The following SAMD4A variants were observed in gnomAD, a reference collection of about 807,000 sequenced individuals.
SAMD4A encodes the protein sterile alpha motif domain containing 4A.
Under a neutral mutation model 81.3 loss-of-function variants are expected in SAMD4A, and 33 were observed. The observed-to-expected ratio is 0.41, with a 90% confidence interval of 0.31 to 0.54. SAMD4A has a LOEUF of 0.54. Among genes scored for constraint, SAMD4A ranks in the 20% least tolerant of loss-of-function variants. The pLI, the probability that SAMD4A is intolerant of heterozygous loss-of-function variation, is 0.37. For missense variants in SAMD4A, 854 were observed against 951.1 expected, an observed-to-expected ratio of 0.90 and a Z score of 1.34; for synonymous variants, 389 against 382.1, an observed-to-expected ratio of 1.02 and a Z score of -0.21.
chr14:54,742,668 G>A (rs1381233756), intron 4 of SAMD4A, among the ~76,000 whole-genome samples: 9 of 152,154 alleles, frequency 5.9e-5, no homozygotes, highest in Admixed American at 2.6e-4. Flanking sequence ...CTCTTGCTGC[G>A]AGCTTCAGCC....
intron 6 of SAMD4A, among the ~76,000 whole-genome samples, chr14:54,752,001 A>G (rs1207240307): frequency 1.3e-5 from 2 of 152,198 alleles, no homozygotes; most frequent in Non-Finnish European, 2.9e-5. Context: ...CAACAGGTAC[A>G]CTGCAGATAG....
chr14:54,757,110 T>A (rs765550507), intron 6 of SAMD4A, among the ~76,000 whole-genome samples: 15 of 152,232 alleles, frequency 9.9e-5, no homozygotes, highest in Non-Finnish European at 2.1e-4. Flanking sequence ...ATTTCCATTC[T>A]GGCCATTTCT....
intron 2 of SAMD4A, among the ~76,000 whole-genome samples, chr14:54,678,681 TG>T (rs1304165625): frequency 1.3e-5 from 2 of 151,904 alleles, no homozygotes; most frequent in African/African-American, 2.4e-5. Flanking sequence ...CCTGAGTAGC[TG>T]GGACTACAGG....
chr14:54,580,886 A>G (rs967868040), intron 2 of SAMD4A, among the ~76,000 whole-genome samples: 4 of 152,228 alleles, frequency 2.6e-5, no homozygotes, highest in Admixed American at 6.5e-5. Flanking sequence ...TTTAACTGAC[A>G]TCCGTAATCC....
At chr14:54,766,243 C>T (rs1476183767) in intron 8 of SAMD4A, among the ~76,000 whole-genome samples, 2 of 151,970 alleles carry the variant, frequency 1.3e-5, no homozygotes, top group Admixed American at 1.3e-4. Context: ...CTCGTTTTGG[C>T]CAGGAAAAAG....
At chr14:54,647,850 G>A (rs1405688444) in intron 2 of SAMD4A, among the ~76,000 whole-genome samples, 3 of 152,250 alleles carry the variant, frequency 2.0e-5, no homozygotes, top group African/African-American at 7.2e-5. Flanking sequence ...GATAGGTTCT[G>A]TACTATCCAG....
At chr14:54,668,035 C>T (rs2035793132) in intron 2 of SAMD4A, among the ~76,000 whole-genome samples, 1 of 152,206 alleles carries the variant, frequency 6.6e-6, no homozygotes, top group African/African-American at 2.4e-5. Flanking sequence ...TGCATCTCCA[C>T]ACACTGCCGT....
At chr14:54,651,318 C>T (rs2035398687) in intron 2 of SAMD4A, among the ~76,000 whole-genome samples, 2 of 152,172 alleles carry the variant, frequency 1.3e-5, no homozygotes, top group South Asian at 2.1e-4. Context: ...TATTGTAATG[C>T]ACCAAGTAAA....
chr14:54,682,273 T>A (rs2036146803), intron 2 of SAMD4A, among the ~76,000 whole-genome samples: 2 of 152,210 alleles, frequency 1.3e-5, no homozygotes, highest in South Asian at 4.1e-4. Flanking sequence ...CAGTTCCATG[T>A]CGGCCTCCTG....
At chr14:54,702,707 G>A in intron 3 of SAMD4A, 127 bp downstream of exon 3, 3 of 1,175,326 alleles carry the variant, frequency 2.6e-6, no homozygotes, top group East Asian at 4.7e-5. Flanking sequence ...ATTGGAATTG[G>A]CTGTGGGAAA....
intron 4 of SAMD4A, among the ~76,000 whole-genome samples, chr14:54,739,518 C>CAAAAAAAAAAAAA (rs11301120): frequency 7.4e-6 from 1 of 135,346 alleles, no homozygotes; most frequent in Non-Finnish European, 1.6e-5. Flanking sequence ...AGTTAAATGG[C>CAAAAAAAAAAAAA]AAAAAAAAAA....
chr14:54,768,807 C>G (rs1183447057), intron 8 of SAMD4A, among the ~76,000 whole-genome samples: 1 of 152,188 alleles, frequency 6.6e-6, no homozygotes, highest in East Asian at 1.9e-4. Flanking sequence ...TGTAAGTCCT[C>G]AATGACGTTT....
chr14:54,634,077 G>C (rs985325147), intron 2 of SAMD4A, among the ~76,000 whole-genome samples: 6 of 152,118 alleles, frequency 3.9e-5, no homozygotes, highest in Non-Finnish European at 7.4e-5. Context: ...TCTGAGGTCA[G>C]GAGTTCGAGA....
chr14:54,655,968 A>C (rs2035510990), intron 2 of SAMD4A, among the ~76,000 whole-genome samples: 1 of 152,170 alleles, frequency 6.6e-6, no homozygotes, highest in Admixed American at 6.5e-5. Context: ...TTGGTGAGGA[A>C]AGGAGTTAAT....
At chr14:54,616,231 C>T (rs1271600520) in intron 2 of SAMD4A, among the ~76,000 whole-genome samples, 4 of 152,226 alleles carry the variant, frequency 2.6e-5, no homozygotes, top group African/African-American at 9.6e-5. Context: ...CTCTTTAAAA[C>T]TATTCAGCGT....
intron 2 of SAMD4A, among the ~76,000 whole-genome samples, chr14:54,624,788 G>T (rs1951950): frequency 0.092 from 10,719 of 116,958 alleles, 420 homozygotes; most frequent in African/African-American, 0.13. Context: ...TTTTTTTTTT[G>T]TTGTTTGGAG....
intron 3 of SAMD4A, among the ~76,000 whole-genome samples, chr14:54,720,047 G>A (rs987154999): frequency 6.6e-6 from 1 of 152,000 alleles, no homozygotes; most frequent in Non-Finnish European, 1.5e-5. Context: ...TCTCCTTAAT[G>A]TTTCTTCTCC....
intron 5 of SAMD4A, among the ~76,000 whole-genome samples, chr14:54,750,003 A>G (rs2038061782): frequency 6.6e-6 from 1 of 152,188 alleles, no homozygotes; most frequent in Admixed American, 6.5e-5. Context: ...TTCTCAGAGA[A>G]TGAAAGGCAC....
chr14:54,645,290 A>T (rs1031290605), intron 2 of SAMD4A, among the ~76,000 whole-genome samples: 2 of 152,128 alleles, frequency 1.3e-5, no homozygotes, highest in African/African-American at 4.8e-5. Flanking sequence ...ATATGGTAAG[A>T]TCCTATCGCT....
Sources: allele counts gnomAD v4.1 joint callset (sites outside exome capture counted in the v4.1 genomes callset), GRCh38; gene constraint gnomAD v4.1.1; transcripts MANE v1.5; gene names NCBI Gene and HGNC (gene_info 2026-07-23, HGNC 2026-07-21).